The following KHDC1 variants were observed in gnomAD, a reference collection of about 807,000 sequenced individuals.
KHDC1 encodes KH domain containing 1.
A neutral mutation model predicts 24.7 loss-of-function variants in KHDC1; 21 were observed. The observed-to-expected ratio is 0.85, with a 90% CI of 0.60 to 1.23. KHDC1 has a LOEUF of 1.23. Ranked by LOEUF, KHDC1 falls within the 50% of genes most tolerant of loss-of-function variation. The pLI is 0.00. For missense variants in KHDC1, 274 were observed against 298.5 expected, an observed-to-expected ratio of 0.92 and a Z score of 0.61; for synonymous variants, 98 against 111.7, an observed-to-expected ratio of 0.88 and a Z score of 0.77.
At chr6:73,291,300 G>A (rs1344590030) in intron 2 of KHDC1, 1 of 217,312 alleles carries the variant, frequency 4.6e-6, no homozygotes, top group East Asian at 1.3e-4. Flanking sequence ...AAACAAGATG[G>A]AAATAACGCT....
chr6:73,295,832 T>G (rs985749748), intron 1 of KHDC1, among the ~76,000 whole-genome samples: 4 of 135,384 alleles, frequency 3.0e-5, no homozygotes, highest in Non-Finnish European at 4.7e-5. Flanking sequence ...GGCAACAGAG[T>G]GATACTCCAT....
intron 2 of KHDC1, among the ~76,000 whole-genome samples, chr6:73,279,607 G>A (rs945057780): frequency 8.9e-6 from 1 of 112,520 alleles, no homozygotes; most frequent in African/African-American, 3.4e-5. Flanking sequence ...TTGAAGAGAT[G>A]TGGTGTCGCT....
chr6:73,309,839 C>G, exon 1 of KHDC1: 1 of 1,189,306 alleles, frequency 8.4e-7, no homozygotes, highest in Non-Finnish European at 1.2e-6. Flanking sequence ...GTTCAGGACG[C>G]GAAGGAAAGG....
chr6:73,271,699 G>C (rs780686856), intron 2 of KHDC1, among the ~76,000 whole-genome samples: 1 of 150,650 alleles, frequency 6.6e-6, no homozygotes, highest in African/African-American at 2.4e-5. Flanking sequence ...TTCAAGACCA[G>C]CCTGGCCAAC....
intron 2 of KHDC1, among the ~76,000 whole-genome samples, chr6:73,251,908 C>G (rs1766783894): frequency 6.6e-6 from 1 of 151,790 alleles, no homozygotes; most frequent in Non-Finnish European, 1.5e-5. Flanking sequence ...TTCGATCCTC[C>G]CATTTCAGCC....
intron 1 of KHDC1, among the ~76,000 whole-genome samples, chr6:73,306,369 G>T (rs771738821): frequency 6.6e-6 from 1 of 151,904 alleles, no homozygotes; most frequent in Non-Finnish European, 1.5e-5. Context: ...CAGCCTCTCC[G>T]TTCCCAGCTA....
At chr6:73,254,214 C>T (rs575868503) in intron 2 of KHDC1, among the ~76,000 whole-genome samples, 63 of 152,122 alleles carry the variant, frequency 4.1e-4, no homozygotes, top group African/African-American at 1.5e-3. Flanking sequence ...AATCCCAGCC[C>T]TTTGGGAGGC....
At chr6:73,255,770 C>A (rs556268845) in intron 2 of KHDC1, among the ~76,000 whole-genome samples, 1 of 151,440 alleles carries the variant, frequency 6.6e-6, no homozygotes, top group Non-Finnish European at 1.5e-5. Context: ...GGCACGGTGG[C>A]GGGCACCTTT....
chr6:73,282,888 T>A (rs761902750), intron 2 of KHDC1, among the ~76,000 whole-genome samples: 1 of 152,222 alleles, frequency 6.6e-6, no homozygotes, highest in Non-Finnish European at 1.5e-5. Context: ...AGGAGACAGA[T>A]TTGAGTAATG....
intron 2 of KHDC1, among the ~76,000 whole-genome samples, chr6:73,250,319 CAT>C (rs1185014195): frequency 6.6e-6 from 1 of 152,208 alleles, no homozygotes; most frequent in African/African-American, 2.4e-5. Context: ...GGAAATGGCA[CAT>C]GTCCCAGTTT....
At chr6:73,292,774 A>T in intron 1 of KHDC1, 1 of 719,886 alleles carries the variant, frequency 1.4e-6, no homozygotes, top group Non-Finnish European at 2.6e-6. Context: ...TAAAAGATCT[A>T]GGTAAAGTTA....
rs1207883040 is a variant in KHDC1, at chr6:73,309,152, C to G, written c.163+400G>C. ...ATTTTTAAGGAGTTCTCAGGTGATG[C>G]TGATTCTGCTGATCGCGGGACTCCG... is the stretch of plus-strand genomic sequence containing the variant. On this transcript the variant is annotated intron_variant, in intron 1 of 4. Transcript: ENST00000370384. Among the ~76,000 whole-genome samples, 6 of 152,362 alleles carry G rather than the reference C, an allele frequency of 3.9e-5. No homozygotes were observed. In the South Asian group the frequency reaches 8.3e-4, roughly 21 times the overall value.
At chr6:73,275,595 C>T (rs527671683) in intron 2 of KHDC1, 1 of 167,180 alleles carries the variant, frequency 6.0e-6, no homozygotes, top group East Asian at 1.9e-4. Flanking sequence ...GTGTCTTTAC[C>T]ACTGCGCTAC....
chr6:73,245,307 G>A (rs146407862), intron 2 of KHDC1, among the ~76,000 whole-genome samples: 325 of 152,272 alleles, frequency 2.1e-3, no homozygotes, highest in African/African-American at 7.1e-3. Context: ...TTTCCATTGA[G>A]GACAAGGGTA....
At chr6:73,267,491 GAAAA>G (rs913508670) in intron 2 of KHDC1, among the ~76,000 whole-genome samples, 3 of 151,528 alleles carry the variant, frequency 2.0e-5, no homozygotes, top group African/African-American at 7.3e-5. Context: ...TCAAAAAAAA[GAAAA>G]AAGAAAAGAA....
chr6:73,292,129 T>G, intron 1 of KHDC1: 1 of 1,582,788 alleles, frequency 6.3e-7, no homozygotes, highest in East Asian at 2.2e-5. Context: ...TTGCTATGGA[T>G]GCATACAAAA....
At chr6:73,270,797 T>C (rs60119590) in intron 2 of KHDC1, among the ~76,000 whole-genome samples, 7,635 of 151,650 alleles carry the variant, frequency 0.05, 482 homozygotes, top group African/African-American at 0.14. Flanking sequence ...TTCAAGTGAT[T>C]CTCCTGCCTC....
chr6:73,279,937 A>G (rs895066324), intron 2 of KHDC1, among the ~76,000 whole-genome samples: 4 of 151,756 alleles, frequency 2.6e-5, no homozygotes, highest in Admixed American at 6.6e-5. Context: ...CTATTTTGTT[A>G]TTTTGTATGT....
chr6:73,290,284 AAAG>A (rs1190571702), intron 2 of KHDC1: 5 of 162,208 alleles, frequency 3.1e-5, no homozygotes, highest in South Asian at 1.5e-4. Flanking sequence ...CCAAAAAAAA[AAAG>A]AAAAGAAAAA....
Sources: gnomAD v4.1 joint callset for allele counts (sites outside exome capture counted in the v4.1 genomes callset) on GRCh38, gnomAD v4.1.1 for gene constraint, MANE v1.5 for transcripts, NCBI Gene and HGNC (gene_info 2026-07-23, HGNC 2026-07-21) for gene names.